Variants in LNPK observed in about 807,000 individuals in gnomAD.
The protein encoded by LNPK is endoplasmic reticulum junction formation protein lunapark.
In LNPK, 29 loss-of-function variants were observed where a neutral mutation model predicts 55.2. The ratio of observed to expected loss-of-function variants is 0.53; its 90% CI spans 0.39 to 0.72. LNPK has a LOEUF of 0.72. LNPK is among the 30% of genes least tolerant of loss of function. LNPK has a pLI of 0.00. For missense variants in LNPK, 467 were observed against 494.8 expected, an observed-to-expected ratio of 0.94 and a Z score of 0.53; for synonymous variants, 162 against 168.2, an observed-to-expected ratio of 0.96 and a Z score of 0.29.
intron 3 of LNPK, among the ~76,000 whole-genome samples, chr2:175,992,853 A>G (rs1400350225): frequency 6.6e-6 from 1 of 152,184 alleles, no homozygotes; most frequent in South Asian, 2.1e-4. Context: ...ATCATTTTTG[A>G]TAATAGTATA....
At chr2:175,947,884 A>G (rs1003857666) in intron 8 of LNPK, among the ~76,000 whole-genome samples, 192 bp from the exon 9 acceptor site, 1 of 152,234 alleles carries the variant, frequency 6.6e-6, no homozygotes, top group Non-Finnish European at 1.5e-5. Context: ...GTTCAACTGT[A>G]CATGTTTACA....
chr2:175,985,874 T>C (rs563203657), intron 4 of LNPK, among the ~76,000 whole-genome samples: 30 of 152,244 alleles, frequency 2.0e-4, no homozygotes, highest in Non-Finnish European at 3.4e-4. Flanking sequence ...TAACTGAAAC[T>C]GCAGAGGGCA....
chr2:176,000,451 T>G (rs1013888353), intron 1 of LNPK, among the ~76,000 whole-genome samples: 2 of 152,224 alleles, frequency 1.3e-5, no homozygotes, highest in Non-Finnish European at 2.9e-5. Context: ...AGAAAACACA[T>G]GTATTTATAT....
chr2:175,968,617 C>T (rs1408134248), intron 6 of LNPK, among the ~76,000 whole-genome samples: 1 of 151,974 alleles, frequency 6.6e-6, no homozygotes, highest in African/African-American at 2.4e-5. Flanking sequence ...AGATTACTTC[C>T]TAACTTTATA....
intron 5 of LNPK, among the ~76,000 whole-genome samples, chr2:175,976,443 A>C (rs1464774007): frequency 6.6e-6 from 1 of 152,222 alleles, no homozygotes; most frequent in Admixed American, 6.5e-5. Context: ...GGTTAATCGT[A>C]TATGTCAACT....
intron 9 of LNPK, 66 bp downstream of exon 9, chr2:175,947,414 G>A: frequency 7.5e-7 from 1 of 1,340,646 alleles, no homozygotes; most frequent in Non-Finnish European, 1.1e-6. Flanking sequence ...ACCTGAAAAT[G>A]GCCCGTTTTA....
intron 6 of LNPK, chr2:175,967,557 CTTTCTTTCA>C (rs1457337741): frequency 1.2e-5 from 9 of 742,292 alleles, no homozygotes; most frequent in Non-Finnish European, 1.5e-5. Context: ...TGTAAGAAAA[CTTTCTTTCA>C]TTTCTTTCAT....
At chr2:175,981,018 T>C (rs1430678823) in intron 4 of LNPK, among the ~76,000 whole-genome samples, 3 of 152,122 alleles carry the variant, frequency 2.0e-5, no homozygotes, top group African/African-American at 7.2e-5. Flanking sequence ...AAATTCAGAA[T>C]ATAAGTATGA....
intron 8 of LNPK, among the ~76,000 whole-genome samples, chr2:175,958,977 T>C (rs1187009135): frequency 6.6e-6 from 1 of 152,034 alleles, no homozygotes; most frequent in Non-Finnish European, 1.5e-5. Flanking sequence ...TATCAGTGAT[T>C]GAAGATCAAA....
intron 3 of LNPK, among the ~76,000 whole-genome samples, chr2:175,992,967 T>C (rs1472823931): frequency 6.6e-6 from 1 of 152,262 alleles, no homozygotes; most frequent in South Asian, 2.1e-4. Context: ...ACAGATCTAA[T>C]TTCATTCTAA....
intron 5 of LNPK, among the ~76,000 whole-genome samples, chr2:175,972,117 T>C (rs928434196): frequency 1.3e-5 from 2 of 152,136 alleles, no homozygotes; most frequent in African/African-American, 4.8e-5. Flanking sequence ...GGTTTCTCCA[T>C]GTTGGCCAGG....
At chr2:175,964,618 A>C (rs746174029) in intron 6 of LNPK, 29 bp from the exon 7 acceptor site, 11 of 1,116,658 alleles carry the variant, frequency 9.9e-6, no homozygotes, top group Non-Finnish European at 1.5e-5. Context: ...ATAAATTGTC[A>C]CACTTCAAAA....
At chr2:175,988,596 C>T (rs1687547754) in intron 4 of LNPK, among the ~76,000 whole-genome samples, 1 of 150,770 alleles carries the variant, frequency 6.6e-6, no homozygotes, top group African/African-American at 2.4e-5. Context: ...TCTTTGTCAG[C>T]TTATTTAACC....
chr2:175,929,161 A>T lies in LNPK; in HGVS notation c.*806T>A. Reference sequence around the variant, plus strand: ...TCATTTTCCTTAATAAAATACAAACAAGAGCACAAAATTCACTTATATATC... The same window carrying T: ...TCATTTTCCTTAATAAAATACAAACTAGAGCACAAAATTCACTTATATATC... On this transcript the variant is annotated 3_prime_UTR_variant, in exon 13 of 13. Coordinates refer to ENST00000272748, the MANE Select transcript of LNPK (RefSeq NM_030650.3). 1 of 977,756 alleles carries T rather than the reference A, an allele frequency of 1.0e-6. No homozygotes were observed. Among genetic ancestry groups the T allele is most frequent in the South Asian group, 4.7e-5 (1 of 21,156 alleles). The allele number at this position is 977,756 out of a possible 1,614,324, so 60.6% of individuals were successfully genotyped here. A position where few individuals can be genotyped will look rare whatever the true frequency, so the allele number is the denominator to read the frequency against.
chr2:175,994,074 T>A lies in LNPK; in HGVS notation c.28-851A>T, dbSNP rs572308237. The A allele has an allele frequency of 2.5e-5, 13 of 515,358 alleles. No individual in the cohort carries two copies. In the East Asian group the frequency reaches 2.0e-3, roughly 78 times the overall value. 31.9% of individuals were successfully genotyped at this position (515,358 alleles called of 1,614,324 possible). A position where few individuals can be genotyped will look rare whatever the true frequency, so the allele number is the denominator to read the frequency against. On this transcript the variant is annotated intron_variant, in intron 2 of 12. Transcript: ENST00000272748. Reference sequence around the variant, plus strand: ...AAGCTTGTTTGCCAATGATATTTTTTATACATCTAGAATGAAAACCAGCCA... The same window carrying A: ...AAGCTTGTTTGCCAATGATATTTTTAATACATCTAGAATGAAAACCAGCCA...
intron 12 of LNPK, among the ~76,000 whole-genome samples, chr2:175,932,442 C>T (rs1377320546): frequency 6.6e-6 from 1 of 152,090 alleles, no homozygotes; most frequent in African/African-American, 2.4e-5. Flanking sequence ...TGGAAGACTA[C>T]AAAATTGGTG....
chr2:175,952,090 T>G (rs1267564820), intron 8 of LNPK, among the ~76,000 whole-genome samples: 1 of 152,104 alleles, frequency 6.6e-6, no homozygotes, highest in Non-Finnish European at 1.5e-5. Context: ...TTGTTTTTTC[T>G]TGCTCCTTAC....
At chr2:175,950,582 T>C (rs1241067755) in intron 8 of LNPK, among the ~76,000 whole-genome samples, 4 of 152,088 alleles carry the variant, frequency 2.6e-5, no homozygotes. Flanking sequence ...ACTACTATAT[T>C]AAACAGAAGC....
At chr2:175,947,894 A>C (rs1168808470) in intron 8 of LNPK, among the ~76,000 whole-genome samples, 1 of 152,216 alleles carries the variant, frequency 6.6e-6, no homozygotes, top group Admixed American at 6.5e-5. Context: ...ACATGTTTAC[A>C]CAACAAGCCA....
Sources: gnomAD v4.1 joint callset for allele counts (sites outside exome capture counted in the v4.1 genomes callset) on GRCh38, gnomAD v4.1.1 for gene constraint, MANE v1.5 for transcripts, NCBI Gene and HGNC (gene_info 2026-07-23, HGNC 2026-07-21) for gene names.